Variants in GPC5 observed in about 807,000 individuals in gnomAD.
The protein encoded by GPC5 is glypican 5.
GPC5 carries 47 observed loss-of-function variants against 53.9 expected under a neutral mutation model. That is an observed-to-expected ratio of 0.87 (90% confidence interval 0.69 to 1.11). The LOEUF is 1.11. Among genes scored for constraint, GPC5 ranks in the 50% most tolerant of loss-of-function variants. The pLI is 0.00. For missense variants in GPC5, 748 were observed against 713.1 expected, an observed-to-expected ratio of 1.05 and a Z score of -0.56; for synonymous variants, 286 against 263.3, an observed-to-expected ratio of 1.09 and a Z score of -0.84.
chr13:91,998,124 G>GT (rs1183001216), intron 6 of GPC5, among the ~76,000 whole-genome samples: 9 of 152,164 alleles, frequency 5.9e-5, no homozygotes, highest in Admixed American at 2.6e-4. Flanking sequence ...TTATTGAAAA[G>GT]TTTTTTATTC....
intron 7 of GPC5, among the ~76,000 whole-genome samples, chr13:92,299,964 C>T (rs1255418261): frequency 6.6e-6 from 1 of 152,074 alleles, no homozygotes; most frequent in East Asian, 1.9e-4. Flanking sequence ...AAGGAGTGTT[C>T]CTTCCTTACT....
At chr13:92,387,495 G>A (rs2139319147) in intron 7 of GPC5, among the ~76,000 whole-genome samples, 1 of 152,210 alleles carries the variant, frequency 6.6e-6, no homozygotes, top group African/African-American at 2.4e-5. Flanking sequence ...TGCATACCAG[G>A]CTGTAAGTTG....
intron 2 of GPC5, among the ~76,000 whole-genome samples, chr13:91,596,760 A>T (rs1338901570): frequency 6.6e-6 from 1 of 152,120 alleles, no homozygotes; most frequent in Admixed American, 6.5e-5. Flanking sequence ...GTGCCCGGTG[A>T]ATTATGAGGT....
chr13:91,988,410 T>C (rs935558055), intron 6 of GPC5, among the ~76,000 whole-genome samples: 1 of 152,162 alleles, frequency 6.6e-6, no homozygotes, highest in Admixed American at 6.5e-5. Context: ...GCATGAAATC[T>C]TTGATCCAAA....
intron 7 of GPC5, among the ~76,000 whole-genome samples, chr13:92,822,353 T>C (rs1208423630): frequency 6.6e-6 from 1 of 152,118 alleles, no homozygotes; most frequent in Non-Finnish European, 1.5e-5. Context: ...TCTCATTTAC[T>C]CCTCACAATA....
chr13:92,349,836 A>T (rs1282292067), intron 7 of GPC5, among the ~76,000 whole-genome samples: 1 of 152,180 alleles, frequency 6.6e-6, no homozygotes, highest in East Asian at 1.9e-4. Context: ...TAATTCTCAA[A>T]GCCTTCCCAA....
chr13:92,336,074 G>T (rs979001788), intron 7 of GPC5, among the ~76,000 whole-genome samples: 4 of 152,108 alleles, frequency 2.6e-5, no homozygotes, highest in African/African-American at 9.7e-5. Context: ...CATACACACT[G>T]AAAAATGTTC....
intron 7 of GPC5, among the ~76,000 whole-genome samples, chr13:92,384,108 C>T (rs914807785): frequency 1.0e-4 from 14 of 138,040 alleles, no homozygotes; most frequent in African/African-American, 3.3e-4. Flanking sequence ...AAGATAGATA[C>T]ACACATTGTT....
chr13:92,221,734 T>A (rs891546341), intron 7 of GPC5, among the ~76,000 whole-genome samples: 1 of 152,102 alleles, frequency 6.6e-6, no homozygotes, highest in Non-Finnish European at 1.5e-5. Flanking sequence ...TTTTTTCCAT[T>A]AAGTGCAATG....
At chr13:92,478,862 G>C (rs541196611) in intron 7 of GPC5, among the ~76,000 whole-genome samples, 5 of 152,206 alleles carry the variant, frequency 3.3e-5, no homozygotes, top group African/African-American at 9.6e-5. Flanking sequence ...TTTAATATAT[G>C]CATTATGTGC....
intron 7 of GPC5, among the ~76,000 whole-genome samples, chr13:92,390,410 A>G (rs1033341628): frequency 3.3e-5 from 5 of 152,098 alleles, no homozygotes; most frequent in East Asian, 1.9e-4. Flanking sequence ...TCAAAAACAT[A>G]AGCTGATTTC....
chr13:92,233,772 A>C (rs1423415579), intron 7 of GPC5, among the ~76,000 whole-genome samples: 1 of 151,984 alleles, frequency 6.6e-6, no homozygotes, highest in East Asian at 1.9e-4. Context: ...CTCGTCATTT[A>C]ACATTAGGTA....
chr13:91,505,850 T>A (rs1884910444), intron 2 of GPC5, among the ~76,000 whole-genome samples: 1 of 152,214 alleles, frequency 6.6e-6, no homozygotes. Flanking sequence ...ATTATGATAA[T>A]TTCCCAGATA....
chr13:91,905,013 A>AT (rs2039538359), intron 5 of GPC5, among the ~76,000 whole-genome samples: 1 of 152,040 alleles, frequency 6.6e-6, no homozygotes, highest in Non-Finnish European at 1.5e-5. Flanking sequence ...AAATGGCCTT[A>AT]AATCAGTCAG....
chr13:92,122,325 C>T (rs1230123299), intron 6 of GPC5, among the ~76,000 whole-genome samples: 1 of 150,790 alleles, frequency 6.6e-6, no homozygotes, highest in African/African-American at 2.4e-5. Context: ...TTGCTTTTAG[C>T]AGCCATAGAC....
At chr13:91,572,410 A>G (rs2031963571) in intron 2 of GPC5, among the ~76,000 whole-genome samples, 2 of 151,936 alleles carry the variant, frequency 1.3e-5, no homozygotes, top group African/African-American at 4.8e-5. Context: ...TAAAGAAAAA[A>G]GGTTTATTTG....
intron 6 of GPC5, among the ~76,000 whole-genome samples, chr13:92,107,342 A>G (rs2138921359): frequency 6.6e-6 from 1 of 152,110 alleles, no homozygotes; most frequent in Middle Eastern, 3.4e-3. Context: ...CCTGGTAAAT[A>G]CAAATTATTT....
At chr13:92,038,737 T>A (rs1185301902) in intron 6 of GPC5, among the ~76,000 whole-genome samples, 1 of 151,956 alleles carries the variant, frequency 6.6e-6, no homozygotes, top group African/African-American at 2.4e-5. Flanking sequence ...ATATTTGACA[T>A]GTCTTTGGCA....
At chr13:92,619,665 C>A (rs1316627540) in intron 7 of GPC5, among the ~76,000 whole-genome samples, 5 of 151,986 alleles carry the variant, frequency 3.3e-5, no homozygotes, top group Admixed American at 6.5e-5. Flanking sequence ...GATTGTGAAA[C>A]ATCCAGATGA....
Sources: gnomAD v4.1 joint callset for allele counts (sites outside exome capture counted in the v4.1 genomes callset) on GRCh38, gnomAD v4.1.1 for gene constraint, MANE v1.5 for transcripts, NCBI Gene and HGNC (gene_info 2026-07-23, HGNC 2026-07-21) for gene names.